The following PIK3CB variants were observed in gnomAD, a reference collection of about 807,000 sequenced individuals.
PIK3CB encodes the protein phosphatidylinositol 4,5-bisphosphate 3-kinase catalytic subunit beta isoform.
A neutral mutation model predicts 136.8 loss-of-function variants in PIK3CB; 39 were observed. That is an observed-to-expected ratio of 0.29 (90% CI 0.22 to 0.37). PIK3CB has a LOEUF of 0.37. PIK3CB is among the 10% of genes least tolerant of loss of function. PIK3CB has a pLI of 1.00. For missense variants in PIK3CB, 868 were observed against 1,275.4 expected, an observed-to-expected ratio of 0.68 and a Z score of 4.87; for synonymous variants, 428 against 436.6, an observed-to-expected ratio of 0.98 and a Z score of 0.25.
In PIK3CB at chr3:138,752,314, T is replaced by C. The variant is rs528080368; in HGVS notation, c.397+3440A>G. Among the ~76,000 whole-genome samples the C allele has an allele frequency of 8.5e-5, 13 of 152,340 alleles. No homozygotes were observed. The East Asian group carries it at 2.3e-3, about 27-fold the overall frequency. On this transcript the variant is annotated intron_variant, in intron 4 of 23. Transcript: ENST00000674063. ...GTCTCTAAAGGTTCTATTGTTTTCT[T>C]TGGAGAGAGGAGGTGGCAACCTTGT...
chr3:138,712,821 C>A (rs2044532413), intron 9 of PIK3CB, among the ~76,000 whole-genome samples: 1 of 152,082 alleles, frequency 6.6e-6, no homozygotes, highest in South Asian at 2.1e-4. Context: ...CCTACCTAAG[C>A]CTCTTAAAGT....
At chr3:138,689,530 A>T (rs977332952) in intron 15 of PIK3CB, among the ~76,000 whole-genome samples, 1 of 152,174 alleles carries the variant, frequency 6.6e-6, no homozygotes, top group African/African-American at 2.4e-5. Context: ...GCCTCAAGTG[A>T]TCCATCCACC....
intron 19 of PIK3CB, among the ~76,000 whole-genome samples, chr3:138,670,704 C>T (rs144087517): frequency 2.2e-4 from 33 of 152,256 alleles, no homozygotes; most frequent in African/African-American, 7.9e-4. Context: ...ATGCAGTATA[C>T]CTTATGAGTG....
intron 13 of PIK3CB, among the ~76,000 whole-genome samples, chr3:138,696,640 G>A (rs1283083698): frequency 6.6e-6 from 1 of 152,046 alleles, no homozygotes; most frequent in African/African-American, 2.4e-5. Flanking sequence ...GGGTTATTGG[G>A]GGGAAAAGGG....
chr3:138,671,329 A>G (rs944583823), intron 19 of PIK3CB, among the ~76,000 whole-genome samples: 2 of 152,250 alleles, frequency 1.3e-5, no homozygotes, highest in African/African-American at 2.4e-5. Flanking sequence ...TCATAATAAC[A>G]GACTATAACT....
At chr3:138,751,445 G>A (rs887841998) in intron 4 of PIK3CB, among the ~76,000 whole-genome samples, 1 of 150,122 alleles carries the variant, frequency 6.7e-6, no homozygotes, top group Non-Finnish European at 1.5e-5. Context: ...GCGATAGAGC[G>A]AGACTCCATC....
intron 1 of PIK3CB, among the ~76,000 whole-genome samples, chr3:138,822,659 C>T (rs1310085045): frequency 6.6e-6 from 1 of 151,174 alleles, no homozygotes; most frequent in Non-Finnish European, 1.5e-5. Context: ...CTGGCCAACA[C>T]GGTGAAACCC....
rs1486829938 is a variant in PIK3CB at position 138,826,171 on chromosome 3, T to C, written c.-122+8524A>G. 16 of 1,113,430 alleles carry C rather than the reference T, an allele frequency of 1.4e-5. No individual in the cohort carries two copies. In the South Asian group the frequency reaches 1.8e-4, roughly 12 times the overall value. The allele number at this position is 1,113,430 out of a possible 1,614,324, so 69.0% of individuals were successfully genotyped here. A position where few individuals can be genotyped will look rare whatever the true frequency, so the allele number is the denominator to read the frequency against. Reference sequence around the variant, plus strand: ...GTTGATATGGTTCCTGACAAGCCGATGTATGTTGAGAGCTTCTAGGACTAT... The same window carrying C: ...GTTGATATGGTTCCTGACAAGCCGACGTATGTTGAGAGCTTCTAGGACTAT... On this transcript the variant is annotated intron_variant, in intron 1 of 23. Transcript: ENST00000674063.
rs1425444447 is a variant in PIK3CB at position 138,693,947 on chromosome 3, ATATATATATATATATATAT to A, written c.1892+820_1892+838del. On this transcript the variant is annotated intron_variant, in intron 14 of 23. Coordinates refer to ENST00000674063, the MANE Select transcript of PIK3CB (RefSeq NM_006219.3). Reference sequence around the variant, plus strand: ...ATGTATTTGCTTAAAATATATATATATATATATATATATATATATTATATATATATATATATATATATAT... The same window carrying A: ...ATGTATTTGCTTAAAATATATATATATATATATATATATATATATATATAT... 0.02 allele frequency among the ~76,000 whole-genome samples: 717 copies of A among 36,100 alleles called. 21 individuals are homozygous for A. The East Asian group carries it at 0.32, about 16-fold the overall frequency. The allele number at this position is 36,100 out of a possible 152,430, so 23.7% of individuals were successfully genotyped here.
intron 2 of PIK3CB, among the ~76,000 whole-genome samples, chr3:138,790,066 A>T (rs2046030936): frequency 6.6e-6 from 1 of 152,240 alleles, no homozygotes; most frequent in South Asian, 2.1e-4. Context: ...TGCCAAGTGT[A>T]ATAAGTCAGA....
chr3:138,672,930 AG>A (rs1297447644), intron 19 of PIK3CB, among the ~76,000 whole-genome samples: 26 of 134,826 alleles, frequency 1.9e-4, no homozygotes, highest in Non-Finnish European at 2.5e-4. Context: ...AAAAAAAAAA[AG>A]AGAGAGAGAG....
chr3:138,775,599 A>G (rs941319528), intron 2 of PIK3CB, among the ~76,000 whole-genome samples: 3 of 152,136 alleles, frequency 2.0e-5, no homozygotes, highest in African/African-American at 7.2e-5. Flanking sequence ...GGATCAGGCT[A>G]TGTCATCTAA....
intron 4 of PIK3CB, among the ~76,000 whole-genome samples, chr3:138,748,345 T>C (rs2045404409): frequency 6.6e-6 from 1 of 152,070 alleles, no homozygotes; most frequent in South Asian, 2.1e-4. Context: ...TGCCAATAAT[T>C]TCCCATCAGG....
intron 2 of PIK3CB, among the ~76,000 whole-genome samples, chr3:138,770,805 A>G (rs187497787): frequency 6.6e-6 from 1 of 151,774 alleles, no homozygotes; most frequent in Non-Finnish European, 1.5e-5. Context: ...TCCGGCTCCC[A>G]GGTTCAAGCA....
chr3:138,723,211 T>C (rs1478340119), intron 8 of PIK3CB, among the ~76,000 whole-genome samples: 1 of 152,224 alleles, frequency 6.6e-6, no homozygotes, highest in Admixed American at 6.5e-5. Context: ...ATCTGGGTTA[T>C]CTTCAATCTT....
rs1306605929 is a variant in PIK3CB, at chr3:138,819,930, T to C, written c.-122+14765A>G. On this transcript the variant is annotated intron_variant, in intron 1 of 23. Coordinates refer to ENST00000674063, the MANE Select transcript of PIK3CB (RefSeq NM_006219.3). ...CAGAAGCTGCAGTAAGCTGAGATTGTGCCACTGCACTCCAGCCTGAGCAAC... is the reference window on the plus strand; with the variant it reads ...CAGAAGCTGCAGTAAGCTGAGATTGCGCCACTGCACTCCAGCCTGAGCAAC... Among the ~76,000 whole-genome samples the C allele has an allele frequency of 2.0e-5, 3 of 152,168 alleles. No individual in the cohort carries two copies. In the East Asian group the frequency reaches 5.8e-4, roughly 29 times the overall value.
At chr3:138,658,055 A>T (rs982840976) in intron 21 of PIK3CB, among the ~76,000 whole-genome samples, 1 of 152,194 alleles carries the variant, frequency 6.6e-6, no homozygotes, top group African/African-American at 2.4e-5. Context: ...TAAACTGTAG[A>T]TATCTAGTGG....
Position 138,657,671 on chromosome 3 carries a change from G to A in PIK3CB, c.2942+19C>T, listed in dbSNP as rs72984703. 1,086 of 1,607,860 alleles carry A rather than the reference G, an allele frequency of 6.8e-4. 5 individuals carry two copies. The African/African-American group carries it at 0.013, about 19-fold the overall frequency. ...AAAATGTTAGAAGTGTTCAGCCTTG[G>A]CACAAGGGCAGTACTCACCGGCCAA... On this transcript the variant is annotated intron_variant, in intron 22 of 23. Transcript: ENST00000674063.
intron 2 of PIK3CB, chr3:138,778,549 G>T: frequency 4.4e-6 from 1 of 227,002 alleles, no homozygotes; most frequent in South Asian, 5.4e-5. Context: ...TCATGGACCT[G>T]ACCTGCCATC....
Sources: allele counts gnomAD v4.1 joint callset (sites outside exome capture counted in the v4.1 genomes callset), GRCh38; gene constraint gnomAD v4.1.1; transcripts MANE v1.5; gene names NCBI Gene and HGNC (gene_info 2026-07-23, HGNC 2026-07-21).